CFL1: variants seen among roughly 807,000 people sequenced by gnomAD.
CFL1 encodes the protein cofilin 1, also known as cofilin-1.
CFL1 carries 2 observed loss-of-function variants against 16.3 expected under a neutral mutation model. That is an observed-to-expected ratio of 0.12 (90% CI 0.05 to 0.39). CFL1 has a LOEUF of 0.39. CFL1 is among the 10% of genes least tolerant of loss of function. The pLI, the probability that CFL1 is intolerant of heterozygous loss-of-function variation, is 0.99. For synonymous variants in CFL1, 111 were observed against 84.4 expected, an observed-to-expected ratio of 1.31 and a Z score of -1.73; for missense variants, 75 against 212.2, an observed-to-expected ratio of 0.35 and a Z score of 4.02.
Position 65,855,134 on chromosome 11 carries a change from G to T in CFL1, c.*202C>A. On this transcript the variant is annotated 3_prime_UTR_variant, in exon 4 of 4. Coordinates refer to ENST00000308162, the MANE Select transcript of CFL1 (RefSeq NM_005507.3). The stretch of plus-strand genomic sequence containing the variant: ...GAATCAAAAGATCAAAAGCAGTTTG[G>T]GAAGGCCAGAACCGTCAAGGGATGG... The T allele has an allele frequency of 1.8e-6, 1 of 545,486 alleles. No individual in the cohort carries two copies. Among genetic ancestry groups the T allele is most frequent in the Non-Finnish European group, 3.3e-6 (1 of 302,756 alleles). The allele number at this position is 545,486 out of a possible 1,614,324, so 33.8% of individuals were successfully genotyped here. A position where few individuals can be genotyped will look rare whatever the true frequency, so the allele number is the denominator to read the frequency against.
chr11:65,855,009 G>C lies in CFL1; in HGVS notation c.*327C>G, dbSNP rs1210671927. On this transcript the variant is annotated 3_prime_UTR_variant, in exon 4 of 4. Transcript: ENST00000308162. ...GGTTAGAAGTTGGCAGCATGGGAAG[G>C]GGGAGGACCAGGTGGGGAATGGGGA... 1.2e-5 allele frequency: 4 copies of C among 327,864 alleles called. No homozygotes were observed. The highest frequency in any genetic ancestry group is 2.4e-5 in the Non-Finnish European group (4 of 168,388). 20.3% of individuals were successfully genotyped at this position (327,864 alleles called of 1,614,324 possible). A position where few individuals can be genotyped will look rare whatever the true frequency, so the allele number is the denominator to read the frequency against.
At chr11:65,857,530 A>C in intron 1 of CFL1, 1 of 290,192 alleles carries the variant, frequency 3.4e-6, no homozygotes. Flanking sequence ...GCAGGCACCC[A>C]CGCCCCAACC....
At position 65,855,727 on chromosome 11, in the gene CFL1, G is replaced by A. The variant is rs569007792; in HGVS notation, c.315C>T (p.Ala105=). Residue 105 remains alanine (A), a synonymous_variant, in exon 3 of 4, where the codon GCC becomes GCT. Coordinates refer to ENST00000308162, the MANE Select transcript of CFL1 (RefSeq NM_005507.3). ...TGCTCTTAAGGGGCGCAGACTCGGGGGCCCTGGACAGAAACACGCGTCAGG... is the reference window on the plus strand; with the variant it reads ...TGCTCTTAAGGGGCGCAGACTCGGGAGCCCTGGACAGAAACACGCGTCAGG... ...KKEDLVFIFW[A]PESAPLKSKM... 9.4e-5 allele frequency: 145 copies of A among 1,542,922 alleles called. No individual in the cohort carries two copies. Among genetic ancestry groups the A allele is most frequent in the Non-Finnish European group, 2.9e-5 (33 of 1,147,170 alleles).
chr11:65,855,055 G>C lies in CFL1; in HGVS notation c.*281C>G, dbSNP rs1051125881. ...GGGGATGTTGTTAAAAAAAATACAG[G>C]CTCCCCCACAACTGGGGTGCCTGGG... On this transcript the variant is annotated 3_prime_UTR_variant, in exon 4 of 4. Coordinates refer to ENST00000308162, the MANE Select transcript of CFL1 (RefSeq NM_005507.3). 10 of 401,392 alleles carry C rather than the reference G, an allele frequency of 2.5e-5. No individual in the cohort carries two copies. The highest frequency in any genetic ancestry group is 4.7e-5 in the Non-Finnish European group (10 of 214,630). 24.9% of individuals were successfully genotyped at this position (401,392 alleles called of 1,614,324 possible). A position where few individuals can be genotyped will look rare whatever the true frequency, so the allele number is the denominator to read the frequency against.
rs558614679 is a variant in CFL1 at position 65,858,050 on chromosome 11, G to A, written c.3+47C>T. 2.9e-4 allele frequency: 448 copies of A among 1,521,086 alleles called. 2 individuals carry two copies. In the South Asian group the frequency reaches 5.3e-3, roughly 18 times the overall value. The allele number at this position is 1,521,086 out of a possible 1,614,324, so 94.2% of individuals were successfully genotyped here. A position where few individuals can be genotyped will look rare whatever the true frequency, so the allele number is the denominator to read the frequency against. On this transcript the variant is annotated intron_variant, in intron 1 of 3. Transcript: ENST00000308162. Reference sequence around the variant, plus strand: ...CCCCAGTCGCTTCCCGCGCGCAGGCGACCGACCCGCAGCCGCCTCCCTCAG... The same window carrying A: ...CCCCAGTCGCTTCCCGCGCGCAGGCAACCGACCCGCAGCCGCCTCCCTCAG...
chr11:65,855,496 G>A, intron 3 of CFL1, 48 bp from the exon 4 acceptor site: 1 of 1,591,528 alleles, frequency 6.3e-7, no homozygotes, highest in East Asian at 2.2e-5. Flanking sequence ...CACTGGGGTG[G>A]GGGTAGTTTC....
Position 65,856,173 on chromosome 11 carries a change from T to C in CFL1, c.73A>G (p.Thr25Ala). Reference sequence around the variant, plus strand: ...TTGCGCTTCTTCACCTCCTCTGGCGTTGAAGACTTACGCACCTTCATGTCG... The same window carrying C: ...TTGCGCTTCTTCACCTCCTCTGGCGCTGAAGACTTACGCACCTTCATGTCG... ...FNDMKVRKSS[T>A]PEEVKKRKKA... The change falls in exon 2 of 4, where the codon ACG becomes GCG. Residue 25 changes from threonine to alanine, a missense_variant. Physicochemically the swap from Thr to Ala is moderately conservative, Grantham distance 58 (BLOSUM62 0). Transcript: ENST00000308162. 2.5e-6 allele frequency: 4 copies of C among 1,614,178 alleles called. No individual in the cohort carries two copies. Among genetic ancestry groups the C allele is most frequent in the Non-Finnish European group, 3.4e-6 (4 of 1,180,024 alleles).
chr11:65,855,079 G>A lies in CFL1; in HGVS notation c.*257C>T. The A allele has an allele frequency of 2.2e-6, 1 of 446,190 alleles. No individual in the cohort carries two copies. The highest frequency in any genetic ancestry group is 2.6e-5 in the South Asian group (1 of 38,618). The allele number at this position is 446,190 out of a possible 1,614,324, so 27.6% of individuals were successfully genotyped here. ...GGCTCCCCCACAACTGGGGTGCCTG[G>A]GGGGAACTTGGTCTGCTTCAGCCCA... On this transcript the variant is annotated 3_prime_UTR_variant, in exon 4 of 4. Transcript: ENST00000308162.
chr11:65,855,555 A>G (rs1859370493), intron 3 of CFL1, 99 bp downstream of exon 3: 1 of 1,550,190 alleles, frequency 6.5e-7, no homozygotes, highest in Non-Finnish European at 8.9e-7. Flanking sequence ...ACAAGCAGGC[A>G]GCGAAGACAA....
At chr11:65,857,963 G>GC in intron 1 of CFL1, 134 bp downstream of exon 1, 1 of 922,136 alleles carries the variant, frequency 1.1e-6, no homozygotes, top group Non-Finnish European at 1.5e-6. Context: ...GGCACCGCCC[G>GC]CCCCTTCGTG....
At chr11:65,857,997 C>CGCTGGG in intron 1 of CFL1, 100 bp downstream of exon 1, 1 of 1,294,048 alleles carries the variant, frequency 7.7e-7, no homozygotes, top group Non-Finnish European at 1.0e-6. Flanking sequence ...CCGCCCGGGG[C>CGCTGGG]GCTGGGGGAG....
At position 65,855,087 on chromosome 11, in the gene CFL1, T is replaced by C. The variant is rs1274268836; in HGVS notation, c.*249A>G. 8.8e-6 allele frequency: 4 copies of C among 456,764 alleles called. No homozygotes were observed. Among genetic ancestry groups the C allele is most frequent in the Non-Finnish European group, 1.2e-5 (3 of 249,182 alleles). The allele number at this position is 456,764 out of a possible 1,614,324, so 28.3% of individuals were successfully genotyped here. On this transcript the variant is annotated 3_prime_UTR_variant, in exon 4 of 4. Coordinates refer to ENST00000308162, the MANE Select transcript of CFL1 (RefSeq NM_005507.3). Reference sequence around the variant, plus strand: ...CACAACTGGGGTGCCTGGGGGGAACTTGGTCTGCTTCAGCCCAAGAGGAAT... The same window carrying C: ...CACAACTGGGGTGCCTGGGGGGAACCTGGTCTGCTTCAGCCCAAGAGGAAT...
At position 65,855,023 on chromosome 11, in the gene CFL1, G is replaced by A. The variant is rs367922375; in HGVS notation, c.*313C>T. On this transcript the variant is annotated 3_prime_UTR_variant, in exon 4 of 4. Coordinates refer to ENST00000308162, the MANE Select transcript of CFL1 (RefSeq NM_005507.3). ...AGCATGGGAAGGGGGAGGACCAGGTGGGGAATGGGGATGTTGTTAAAAAAA... is the reference window on the plus strand; with the variant it reads ...AGCATGGGAAGGGGGAGGACCAGGTAGGGAATGGGGATGTTGTTAAAAAAA... 5.9e-6 allele frequency: 2 copies of A among 341,822 alleles called. No homozygotes were observed. Among genetic ancestry groups the A allele is most frequent in the Non-Finnish European group, 5.6e-6 (1 of 177,264 alleles). The allele number at this position is 341,822 out of a possible 1,614,324, so 21.2% of individuals were successfully genotyped here. A position where few individuals can be genotyped will look rare whatever the true frequency, so the allele number is the denominator to read the frequency against.
chr11:65,858,086 C>G lies in CFL1; in HGVS notation c.3+11G>C, dbSNP rs1032961196. On this transcript the variant is annotated intron_variant, in intron 1 of 3. Coordinates refer to ENST00000308162, the MANE Select transcript of CFL1 (RefSeq NM_005507.3). ...AGCCGCCTCCCTCAGGCGCCGTGGCCTGCCGCTCACCATGTTTCCGGAAAC... is the reference window on the plus strand; with the variant it reads ...AGCCGCCTCCCTCAGGCGCCGTGGCGTGCCGCTCACCATGTTTCCGGAAAC... 21 of 1,535,800 alleles carry G rather than the reference C, an allele frequency of 1.4e-5. No individual in the cohort carries two copies. The highest frequency in any genetic ancestry group is 1.8e-5 in the Non-Finnish European group (21 of 1,141,986).
At chr11:65,856,289 T>C (rs1237788018) in intron 1 of CFL1, 47 bp from the exon 2 acceptor site, 4 of 1,567,040 alleles carry the variant, frequency 2.6e-6, no homozygotes, top group East Asian at 2.3e-5. Context: ...TCTAGGGAAC[T>C]GCCCCTTGTT....
At position 65,855,257 on chromosome 11, in the gene CFL1, G is replaced by A; in HGVS notation, c.*79C>T. 1 of 1,225,184 alleles carries A rather than the reference G, an allele frequency of 8.2e-7. No individual in the cohort carries two copies. Among genetic ancestry groups the A allele is most frequent in the Admixed American group, 1.7e-5 (1 of 57,182 alleles). 75.9% of individuals were successfully genotyped at this position (1,225,184 alleles called of 1,614,324 possible). A position where few individuals can be genotyped will look rare whatever the true frequency, so the allele number is the denominator to read the frequency against. ...GGGATCCCCCCAGCCCCTCCGGTCT[G>A]GCAGGAAGGGGGCAGCCTGCAACCC... On this transcript the variant is annotated 3_prime_UTR_variant, in exon 4 of 4. Coordinates refer to ENST00000308162, the MANE Select transcript of CFL1 (RefSeq NM_005507.3).
chr11:65,855,476 G>T, intron 3 of CFL1, 28 bp from the exon 4 acceptor site: 1 of 1,607,448 alleles, frequency 6.2e-7, no homozygotes, highest in South Asian at 1.1e-5. Flanking sequence ...GAGCATCTGT[G>T]AGCAGGAAGC....
At chr11:65,857,481 C>G (rs765398412) in intron 1 of CFL1, 1 of 395,886 alleles carries the variant, frequency 2.5e-6, no homozygotes, top group East Asian at 9.7e-5. Flanking sequence ...GCGGTCTCTG[C>G]GATGCCCCCT....
intron 1 of CFL1, chr11:65,857,838 CCGCGGCCGGTGTCCG>C (rs1859416517): frequency 3.6e-6 from 1 of 276,242 alleles, no homozygotes; most frequent in African/African-American, 2.2e-5. Context: ...ACCCCTCCCC[CCGCGGCCGGTGTCCG>C]CGCGGGCGCA....
Sources: gnomAD v4.1 joint callset for allele counts on GRCh38, gnomAD v4.1.1 for gene constraint, MANE v1.5 for transcripts, NCBI Gene and HGNC (gene_info 2026-07-23, HGNC 2026-07-21) for gene names.